The following CCDC39 variants were observed in gnomAD, a reference collection of about 807,000 sequenced individuals.
The protein encoded by CCDC39 is coiled-coil domain-containing protein 39.
In CCDC39, 113 loss-of-function variants were observed where a neutral mutation model predicts 121.0. The ratio of observed to expected loss-of-function variants is 0.93; its 90% CI spans 0.80 to 1.09. The LOEUF (loss-of-function observed/expected upper bound fraction) is 1.09, where lower values mean the gene tolerates loss of function less well. Ranked by LOEUF, CCDC39 falls within the 50% of genes least tolerant of loss-of-function variation. CCDC39 has a pLI of 0.00. For missense variants in CCDC39, 1,063 were observed against 1,074.7 expected (o/e 0.99, Z 0.15); for synonymous variants, 349 against 352.2 (o/e 0.99, Z 0.10).
At chr3:180,652,312 T>C in intron 7 of CCDC39, 46 bp from the exon 8 acceptor site, 1 of 1,119,210 alleles carries the variant, frequency 8.9e-7, no homozygotes, top group Admixed American at 3.1e-5. Flanking sequence ...ACTCTGTATC[T>C]TATAACTTAT....
At chr3:180,618,408 C>G (rs979722206) in intron 16 of CCDC39, among the ~76,000 whole-genome samples, 2 of 148,436 alleles carry the variant, frequency 1.3e-5, no homozygotes, top group Non-Finnish European at 3.0e-5. Flanking sequence ...TTACAAGGCA[C>G]TTTTTTTTTT....
intron 1 of CCDC39, among the ~76,000 whole-genome samples, chr3:180,666,443 G>A (rs541362175): frequency 6.6e-6 from 1 of 152,120 alleles, no homozygotes; most frequent in South Asian, 2.1e-4. Context: ...TTGTCTAGTA[G>A]AGTTGTCTAA....
chr3:180,615,432 T>G (rs753095318), intron 19 of CCDC39, among the ~76,000 whole-genome samples: 6 of 152,166 alleles, frequency 3.9e-5, no homozygotes, highest in Non-Finnish European at 8.8e-5. Context: ...CAAAAATAAT[T>G]AAAATGATAC....
intron 13 of CCDC39, among the ~76,000 whole-genome samples, chr3:180,635,897 G>C (rs944877256): frequency 3.3e-5 from 5 of 152,154 alleles, no homozygotes; most frequent in Non-Finnish European, 7.3e-5. Context: ...TTTGATAAAA[G>C]TCAACTCCTC....
At chr3:180,615,133 C>A (rs375085058) in intron 19 of CCDC39, 56 bp from the exon 20 acceptor site, 29 of 1,321,674 alleles carry the variant, frequency 2.2e-5, no homozygotes, top group Non-Finnish European at 3.0e-5. Flanking sequence ...TTAGTATAGA[C>A]CCTCTCATTA....
chr3:180,644,474 G>C (rs895688639), intron 11 of CCDC39, among the ~76,000 whole-genome samples: 3 of 152,032 alleles, frequency 2.0e-5, no homozygotes, highest in African/African-American at 7.2e-5. Flanking sequence ...TGATGTTTTG[G>C]ATGTAGTATG....
intron 1 of CCDC39, among the ~76,000 whole-genome samples, chr3:180,671,229 A>G (rs953692131): frequency 1.7e-4 from 26 of 151,842 alleles, no homozygotes; most frequent in African/African-American, 5.8e-4. Flanking sequence ...AAAAAAAAAA[A>G]AAAGTTATCA....
In CCDC39 at chr3:180,679,110, C is replaced by T. The variant is rs986223429; in HGVS notation, c.90+181G>A. 6.6e-6 allele frequency among the ~76,000 whole-genome samples: 1 copy of T among 151,996 alleles called. No homozygotes were observed. The highest frequency in any genetic ancestry group is 2.4e-5 in the African/African-American group (1 of 41,358). ...ATGGTTTTAATAGCATTTTTAAATGCTTAACAATTACTGAAATAGGCAGAG... is the reference window on the plus strand; with the variant it reads ...ATGGTTTTAATAGCATTTTTAAATGTTTAACAATTACTGAAATAGGCAGAG... On this transcript the variant is annotated intron_variant, in intron 1 of 19. Transcript: ENST00000476379. This position sits in a 1 kb window ranked among gnomAD's most constrained non-coding sequence, Gnocchi z 4.0.
intron 1 of CCDC39, among the ~76,000 whole-genome samples, chr3:180,678,138 C>CA (rs892616790): frequency 7.2e-5 from 11 of 152,112 alleles, no homozygotes; most frequent in African/African-American, 2.4e-4. Context: ...CTCCGCTTTA[C>CA]AAAAAAAGAA....
intron 12 of CCDC39, among the ~76,000 whole-genome samples, chr3:180,642,477 T>C (rs1717978863): frequency 6.6e-6 from 1 of 152,110 alleles, no homozygotes; most frequent in Non-Finnish European, 1.5e-5. Context: ...AAGTTAAACT[T>C]ACGCTATCCA....
chr3:180,646,178 G>A (rs907723534), intron 11 of CCDC39, among the ~76,000 whole-genome samples: 1 of 151,702 alleles, frequency 6.6e-6, no homozygotes, highest in African/African-American at 2.4e-5. Flanking sequence ...AGTTTTATCT[G>A]ATCCAAAAAC....
At chr3:180,617,348 TTACTA>T (rs1474592360) in intron 16 of CCDC39, 1 of 528,530 alleles carries the variant, frequency 1.9e-6, no homozygotes, top group Non-Finnish European at 3.4e-6. Flanking sequence ...ATTTATGTAT[TTACTA>T]TACAATATAC....
Position 180,651,551 on chromosome 3 carries a change from C to A in CCDC39, c.1035-18G>T. The A allele has an allele frequency of 6.7e-7, 1 of 1,497,820 alleles. No homozygotes were observed. The highest frequency in any genetic ancestry group is 2.7e-5 in the Admixed American group (1 of 37,214). The allele number at this position is 1,497,820 out of a possible 1,614,324, so 92.8% of individuals were successfully genotyped here. ...TTTGTAACCTGAAGAGGGTTTATCA[C>A]AAAAAGATAGAAAACGTGCCTAAAA... On this transcript the variant is annotated intron_variant, in intron 8 of 19. Coordinates refer to ENST00000476379, the MANE Select transcript of CCDC39 (RefSeq NM_181426.2).
intron 11 of CCDC39, among the ~76,000 whole-genome samples, chr3:180,646,083 A>AT (rs979766653): frequency 6.6e-6 from 1 of 152,100 alleles, no homozygotes; most frequent in Non-Finnish European, 1.5e-5. Context: ...AATAATATTA[A>AT]TTTTTCCCCC....
At chr3:180,626,544 G>A (rs568098764) in intron 14 of CCDC39, among the ~76,000 whole-genome samples, 32 of 152,266 alleles carry the variant, frequency 2.1e-4, no homozygotes, top group South Asian at 1.7e-3. Flanking sequence ...AGCAGGAATC[G>A]TCACCAGAGT....
rs370231725 is a variant in CCDC39, at chr3:180,651,617, A to G, written c.1035-84T>C. 20 of 1,299,124 alleles carry G rather than the reference A, an allele frequency of 1.5e-5. No individual in the cohort carries two copies. The South Asian group carries it at 1.9e-4, about 12-fold the overall frequency. 80.5% of individuals were successfully genotyped at this position (1,299,124 alleles called of 1,614,324 possible). On this transcript the variant is annotated intron_variant, in intron 8 of 19. Transcript: ENST00000476379. ...CAAATAATAGTTTATCCTAATATTTATTTGTATAACTTGAAGGGGTTTTTT... is the reference window on the plus strand; with the variant it reads ...CAAATAATAGTTTATCCTAATATTTGTTTGTATAACTTGAAGGGGTTTTTT...
chr3:180,631,445 C>T, intron 14 of CCDC39, 24 bp downstream of exon 14: 1 of 1,583,090 alleles, frequency 6.3e-7, no homozygotes, highest in Non-Finnish European at 8.5e-7. Context: ...CATACCATCA[C>T]AACTGTGAAT....
At chr3:180,677,188 AT>A (rs1342477449) in intron 1 of CCDC39, among the ~76,000 whole-genome samples, 1 of 95,376 alleles carries the variant, frequency 1.0e-5, no homozygotes, top group Non-Finnish European at 2.1e-5. Context: ...ATATATATAT[AT>A]ATATATATAT....
At chr3:180,654,207 T>C (rs1269815182) in intron 7 of CCDC39, among the ~76,000 whole-genome samples, 17 of 99,704 alleles carry the variant, frequency 1.7e-4, no homozygotes, top group African/African-American at 6.6e-4. Context: ...TTAAGAAAAC[T>C]GGATAGCCAC....
Sources: gnomAD v4.1 joint callset for allele counts (sites outside exome capture counted in the v4.1 genomes callset) on GRCh38, gnomAD v4.1.1 for gene constraint, Gnocchi (gnomAD v3.1) non-coding constraint, MANE v1.5 for transcripts, NCBI Gene and HGNC (gene_info 2026-07-23, HGNC 2026-07-21) for gene names.